MARCHF4: variants seen among roughly 807,000 people sequenced by gnomAD.
The protein encoded by MARCHF4 is membrane associated ring-CH-type finger 4.
Under a neutral mutation model 43.9 loss-of-function variants are expected in MARCHF4, and 14 were observed. The observed-to-expected ratio is 0.32, with a 90% confidence interval of 0.21 to 0.50. The LOEUF is 0.50. Ranked by LOEUF, MARCHF4 falls within the 20% of genes least tolerant of loss-of-function variation. The probability of loss-of-function intolerance (pLI) is 0.98; values close to 1 mark genes in which losing one functional copy is unlikely to be tolerated. For synonymous variants in MARCHF4, 226 were observed against 213.3 expected (o/e 1.06, Z -0.52); for missense variants, 468 against 536.7 (o/e 0.87, Z 1.27).
intron 1 of MARCHF4, among the ~76,000 whole-genome samples, chr2:216,328,636 A>C (rs2105968414): frequency 6.6e-6 from 1 of 152,360 alleles, no homozygotes; most frequent in African/African-American, 2.4e-5. Context: ...ATGCAGGAAA[A>C]AATGAAGGGC....
At chr2:216,354,840 T>A (rs75676079) in intron 1 of MARCHF4, among the ~76,000 whole-genome samples, 2,881 of 152,302 alleles carry the variant, frequency 0.019, 88 homozygotes, top group African/African-American at 0.065. Flanking sequence ...AAAGCTGTCT[T>A]GTCTACTCTC....
intron 1 of MARCHF4, among the ~76,000 whole-genome samples, chr2:216,339,966 C>G (rs1257062113): frequency 6.6e-6 from 1 of 152,020 alleles, no homozygotes; most frequent in Non-Finnish European, 1.5e-5. Context: ...GCAGCTGGCT[C>G]CCTCCCTGCT....
At chr2:216,307,198 A>C (rs1404547485) in intron 1 of MARCHF4, among the ~76,000 whole-genome samples, 1 of 152,112 alleles carries the variant, frequency 6.6e-6, no homozygotes, top group Non-Finnish European at 1.5e-5. Context: ...TCTGAGTTCC[A>C]ACTGGGAAAC....
intron 2 of MARCHF4, among the ~76,000 whole-genome samples, chr2:216,281,396 A>G (rs964325898): frequency 2.0e-5 from 3 of 152,162 alleles, no homozygotes; most frequent in Non-Finnish European, 4.4e-5. Context: ...GGCATGAACC[A>G]GGAGGTAAGA....
intron 1 of MARCHF4, among the ~76,000 whole-genome samples, chr2:216,284,528 C>T (rs766857655): frequency 3.3e-5 from 5 of 152,144 alleles, no homozygotes; most frequent in African/African-American, 4.8e-5. Context: ...TGCAGTGGCA[C>T]GATTGCGGCT....
intron 1 of MARCHF4, chr2:216,303,589 G>A (rs1250283536): frequency 6.6e-6 from 1 of 152,262 alleles, no homozygotes. Flanking sequence ...GTGCTGCAGA[G>A]AGCGCAATGC....
chr2:216,264,646 G>A (rs1393030943), intron 3 of MARCHF4, among the ~76,000 whole-genome samples: 2 of 152,232 alleles, frequency 1.3e-5, no homozygotes, highest in African/African-American at 4.8e-5. Flanking sequence ...TGTGGAGAGA[G>A]AGAAGTGGGA....
intron 1 of MARCHF4, among the ~76,000 whole-genome samples, chr2:216,350,318 A>C: frequency 1.3e-5 from 1 of 79,694 alleles, no homozygotes; most frequent in Non-Finnish European, 2.4e-5. Context: ...CACACCCCTC[A>C]CTGTGCCACA....
chr2:216,323,293 C>T (rs1468818536), intron 1 of MARCHF4, among the ~76,000 whole-genome samples: 1 of 152,080 alleles, frequency 6.6e-6, no homozygotes, highest in African/African-American at 2.4e-5. Context: ...CTTCCAGATA[C>T]CAGTTGGAGA....
At chr2:216,285,506 A>G (rs1691204577) in intron 1 of MARCHF4, among the ~76,000 whole-genome samples, 1 of 152,180 alleles carries the variant, frequency 6.6e-6, no homozygotes. Flanking sequence ...GGCCTGGTAA[A>G]GTTTGATACT....
chr2:216,267,440 A>G (rs1187363532), intron 3 of MARCHF4, among the ~76,000 whole-genome samples: 7 of 152,222 alleles, frequency 4.6e-5, no homozygotes, highest in Non-Finnish European at 8.8e-5. Flanking sequence ...AGCTGGAGGC[A>G]AAAGACTCAG....
intron 1 of MARCHF4, among the ~76,000 whole-genome samples, chr2:216,299,509 A>G (rs188454263): frequency 2.3e-4 from 35 of 152,352 alleles, no homozygotes; most frequent in Admixed American, 1.7e-3. Context: ...CTCTTCCCCA[A>G]TAAGACTCTT....
intron 1 of MARCHF4, among the ~76,000 whole-genome samples, chr2:216,337,485 G>T (rs1324389120): frequency 6.6e-6 from 1 of 151,976 alleles, no homozygotes; most frequent in Non-Finnish European, 1.5e-5. Flanking sequence ...GTTATTTTGG[G>T]GTTGGCATTA....
chr2:216,351,081 C>A (rs78112820), intron 1 of MARCHF4, among the ~76,000 whole-genome samples: 2,790 of 152,260 alleles, frequency 0.018, 92 homozygotes, highest in African/African-American at 0.064. Context: ...TAGTTTTCTC[C>A]TGAAGGACCC....
At chr2:216,314,343 T>C (rs1559096865) in intron 1 of MARCHF4, among the ~76,000 whole-genome samples, 1 of 146,080 alleles carries the variant, frequency 6.8e-6, no homozygotes, top group East Asian at 2.0e-4. Flanking sequence ...TTTTTTTTTT[T>C]GAGACAGTCT....
chr2:216,259,128 G>C lies in MARCHF4; in HGVS notation c.*184C>G. On this transcript the variant is annotated 3_prime_UTR_variant, in exon 4 of 4. Coordinates refer to ENST00000273067, the MANE Select transcript of MARCHF4 (RefSeq NM_020814.3). ...GTTGTTGTGGAGAGTGGCATTGACT[G>C]ATTGGAAATAGCAGAACTGCTCCTG... The C allele has an allele frequency of 1.4e-6, 1 of 715,986 alleles. No homozygotes were observed. Among genetic ancestry groups the C allele is most frequent in the Non-Finnish European group, 2.2e-6 (1 of 461,676 alleles). 44.4% of individuals were successfully genotyped at this position (715,986 alleles called of 1,614,324 possible).
At chr2:216,278,487 A>G (rs1691070788) in intron 2 of MARCHF4, among the ~76,000 whole-genome samples, 1 of 152,200 alleles carries the variant, frequency 6.6e-6, no homozygotes, top group Non-Finnish European at 1.5e-5. Flanking sequence ...GGCCTCCCAA[A>G]GTGCTGGGAT....
rs1307867698 is a variant in MARCHF4 at position 216,362,612 on chromosome 2, T to C, written c.516+7133A>G. 2.0e-5 allele frequency among the ~76,000 whole-genome samples: 3 copies of C among 152,180 alleles called. No homozygotes were observed. The East Asian group carries it at 5.8e-4, about 29-fold the overall frequency. On this transcript the variant is annotated intron_variant, in intron 1 of 3. Coordinates refer to ENST00000273067, the MANE Select transcript of MARCHF4 (RefSeq NM_020814.3). ...TGGGTTCAGGACTGGGGCCCTTGTG[T>C]CCCCCTTGTGGGGCATGAGGTCATT... is the stretch of plus-strand genomic sequence containing the variant.
intron 3 of MARCHF4, among the ~76,000 whole-genome samples, chr2:216,262,255 T>C (rs1019383206): frequency 6.6e-6 from 1 of 152,178 alleles, no homozygotes; most frequent in African/African-American, 2.4e-5. Context: ...CATTTGAGAT[T>C]TGTAGCCATA....
Sources: gnomAD v4.1 joint callset for allele counts (sites outside exome capture counted in the v4.1 genomes callset) on GRCh38, gnomAD v4.1.1 for gene constraint, MANE v1.5 for transcripts, NCBI Gene and HGNC (gene_info 2026-07-23, HGNC 2026-07-21) for gene names.